The following IL1RAPL1 variants were observed in gnomAD, a reference collection of about 807,000 sequenced individuals.
The protein encoded by IL1RAPL1 is interleukin 1 receptor accessory protein like 1.
A neutral mutation model predicts 48.4 loss-of-function variants in IL1RAPL1; 3 were observed. That is an observed-to-expected ratio of 0.06 (90% CI 0.03 to 0.16). The LOEUF is 0.16. Ranked by LOEUF, IL1RAPL1 falls within the 10% of genes least tolerant of loss-of-function variation. The probability of loss-of-function intolerance (pLI) is 1.00; values close to 1 mark genes in which losing one functional copy is unlikely to be tolerated. For synonymous variants in IL1RAPL1, 185 were observed against 187.7 expected (o/e 0.99, Z 0.12); for missense variants, 349 against 530.6 (o/e 0.66, Z 3.36).
chrX:28,605,095 A>G (rs1199984872), intron 1 of IL1RAPL1, among the ~76,000 whole-genome samples: 1 of 111,346 alleles, frequency 9.0e-6, no homozygotes, highest in Non-Finnish European at 1.9e-5. Flanking sequence ...AAAATGCTCC[A>G]TGGTTTAACT....
chrX:29,871,947 T>C (rs185064450), intron 6 of IL1RAPL1, among the ~76,000 whole-genome samples: 1,169 of 111,198 alleles, frequency 0.011, 12 homozygotes, highest in African/African-American at 0.035. Flanking sequence ...TGACTTGAAC[T>C]CCTGACCTTG....
chrX:29,081,634 G>A (rs1481937224), intron 2 of IL1RAPL1, among the ~76,000 whole-genome samples: 4 of 111,832 alleles, frequency 3.6e-5, no homozygotes, highest in South Asian at 7.4e-4. Context: ...GATCAATATG[G>A]CTCACTTTTT....
chrX:29,249,759 T>C (rs1040573159), intron 2 of IL1RAPL1, among the ~76,000 whole-genome samples: 2 of 111,652 alleles, frequency 1.8e-5, no homozygotes, highest in Non-Finnish European at 3.8e-5. Flanking sequence ...CAAAATCTTA[T>C]ATGAATATGA....
intron 6 of IL1RAPL1, among the ~76,000 whole-genome samples, chrX:29,803,441 A>G (rs1569174367): frequency 2.1e-5 from 2 of 95,990 alleles, no homozygotes; most frequent in African/African-American, 7.5e-5. Context: ...GTATACATCT[A>G]TGTATATATG....
intron 2 of IL1RAPL1, among the ~76,000 whole-genome samples, chrX:28,818,945 A>G (rs1352139574): frequency 9.0e-6 from 1 of 110,683 alleles, no homozygotes; most frequent in East Asian, 2.8e-4. Context: ...TGTTATTCAT[A>G]TTGGGGATCA....
At chrX:29,799,081 C>T (rs1348012338) in intron 6 of IL1RAPL1, among the ~76,000 whole-genome samples, 3 of 111,938 alleles carry the variant, frequency 2.7e-5, no homozygotes, top group Non-Finnish European at 5.6e-5. Flanking sequence ...AAAAAGCTTA[C>T]TCTGTGTAAT....
intron 6 of IL1RAPL1, among the ~76,000 whole-genome samples, chrX:29,786,713 C>T (rs1029362453): frequency 9.0e-6 from 1 of 111,397 alleles, no homozygotes; most frequent in Non-Finnish European, 1.9e-5. Flanking sequence ...TTGCAATGTG[C>T]TGGATAGCAA....
intron 5 of IL1RAPL1, among the ~76,000 whole-genome samples, chrX:29,667,024 C>T (rs999475622): frequency 6.3e-5 from 7 of 111,735 alleles, no homozygotes; most frequent in African/African-American, 9.7e-5. Context: ...TCACTTTAGG[C>T]AGGAAATAAG....
At chrX:29,066,496 A>C (rs973424121) in intron 2 of IL1RAPL1, among the ~76,000 whole-genome samples, 1 of 112,167 alleles carries the variant, frequency 8.9e-6, no homozygotes, top group Non-Finnish European at 1.9e-5. Context: ...ATCCAGTTAA[A>C]CTCAAGCCCC....
intron 3 of IL1RAPL1, among the ~76,000 whole-genome samples, chrX:29,371,733 G>T (rs1933548752): frequency 9.0e-6 from 1 of 111,692 alleles, no homozygotes; most frequent in Non-Finnish European, 1.9e-5. Flanking sequence ...GAGGATATTG[G>T]CCTCTAGCTG....
At chrX:29,734,378 GC>G (rs1927994838) in intron 6 of IL1RAPL1, among the ~76,000 whole-genome samples, 1 of 111,838 alleles carries the variant, frequency 8.9e-6, no homozygotes, top group East Asian at 2.8e-4. Context: ...ATAAACACAG[GC>G]ACTTGTGGGT....
chrX:28,908,074 TTTTGA>T (rs1180261107), intron 2 of IL1RAPL1, among the ~76,000 whole-genome samples: 1 of 111,566 alleles, frequency 9.0e-6, no homozygotes, highest in Non-Finnish European at 1.9e-5. Context: ...AATATTTTAC[TTTTGA>T]TATTGGTAAT....
At chrX:28,588,206 ATGTGTGTGTGTGTGTGTGTGTGTG>A (rs768348078) in intron 1 of IL1RAPL1, among the ~76,000 whole-genome samples, 159 bp downstream of exon 1, 1 of 49,928 alleles carries the variant, frequency 2.0e-5, no homozygotes, top group Non-Finnish European at 3.7e-5. Context: ...GTGTGTTGAT[ATGTGTGTGTGTGTGTGTGTGTGTG>A]TGTGTGTGTG....
At chrX:28,671,880 A>T (rs1159322812) in intron 1 of IL1RAPL1, among the ~76,000 whole-genome samples, 3 of 112,423 alleles carry the variant, frequency 2.7e-5, no homozygotes, top group African/African-American at 9.7e-5. Context: ...TGTTAAATTG[A>T]TTCACCTTTC....
At chrX:29,280,668 A>G (rs781588325) in intron 2 of IL1RAPL1, among the ~76,000 whole-genome samples, 25 of 112,352 alleles carry the variant, frequency 2.2e-4, no homozygotes, top group Admixed American at 5.7e-4. Flanking sequence ...CACTGTGGCT[A>G]AAAAGGGAAG....
chrX:29,318,820 A>C, intron 3 of IL1RAPL1, among the ~76,000 whole-genome samples: 1 of 112,108 alleles, frequency 8.9e-6, no homozygotes, highest in Non-Finnish European at 1.9e-5. Flanking sequence ...TGCAAAGATA[A>C]AACTTTCAAA....
chrX:28,888,475 A>G (rs146626826), intron 2 of IL1RAPL1, among the ~76,000 whole-genome samples: 2 of 111,182 alleles, frequency 1.8e-5, no homozygotes, highest in East Asian at 2.8e-4. Context: ...TCGTTTTGAT[A>G]TAGAGGGCAA....
intron 2 of IL1RAPL1, among the ~76,000 whole-genome samples, chrX:29,102,782 G>A (rs1283367198): frequency 9.0e-6 from 1 of 111,497 alleles, no homozygotes; most frequent in East Asian, 2.8e-4. Flanking sequence ...CAGTAAAGTT[G>A]CAGGTTACAA....
At position 29,033,624 on chromosome X, in the gene IL1RAPL1, G is replaced by A. The variant is rs765379920; in HGVS notation, c.82+244199G>A. On this transcript the variant is annotated intron_variant, in intron 2 of 10. Coordinates refer to ENST00000378993, the MANE Select transcript of IL1RAPL1 (RefSeq NM_014271.4). ...ACTTTTAAGTAAGGCAGTGACATCC[G>A]CTGTTCCATATCTAGGAAAAGTTGT... is the stretch of plus-strand genomic sequence containing the variant. 8.1e-5 allele frequency among the ~76,000 whole-genome samples: 9 copies of A among 111,225 alleles called. No individual in the cohort carries two copies. The South Asian group carries it at 2.6e-3, about 33-fold the overall frequency.
Sources: allele counts gnomAD v4.1 joint callset (sites outside exome capture counted in the v4.1 genomes callset), GRCh38; gene constraint gnomAD v4.1.1; transcripts MANE v1.5; gene names NCBI Gene and HGNC (gene_info 2026-07-23, HGNC 2026-07-21).